FLT1: variants seen among roughly 807,000 people sequenced by gnomAD.
FLT1 encodes the protein vascular endothelial growth factor receptor 1.
Under a neutral mutation model 156.3 loss-of-function variants are expected in FLT1, and 49 were observed. That is an observed-to-expected ratio of 0.31 (90% CI 0.25 to 0.40). The LOEUF is 0.40. FLT1 is among the 10% of genes least tolerant of loss of function. The probability of loss-of-function intolerance (pLI) is 1.00; values close to 1 mark genes in which losing one functional copy is unlikely to be tolerated. For synonymous variants in FLT1, 594 were observed against 583.8 expected (o/e 1.02, Z -0.25); for missense variants, 1,322 against 1,637.2 (o/e 0.81, Z 3.32).
intron 17 of FLT1, 60 bp downstream of exon 17, chr13:28,339,108 T>C: frequency 6.6e-7 from 1 of 1,519,674 alleles, no homozygotes; most frequent in Non-Finnish European, 9.1e-7. Context: ...CAAAGCACAG[T>C]GTTTTTCATG....
At chr13:28,452,917 C>A (rs1247177008) in intron 3 of FLT1, among the ~76,000 whole-genome samples, 1 of 147,768 alleles carries the variant, frequency 6.8e-6, no homozygotes, top group Non-Finnish European at 1.5e-5. Flanking sequence ...TTTTAATGTC[C>A]CTCTTGAGGT....
At chr13:28,338,905 A>C (rs61764362) in intron 17 of FLT1, among the ~76,000 whole-genome samples, 1,848 of 152,298 alleles carry the variant, frequency 0.012, 42 homozygotes, top group African/African-American at 0.042. Context: ...TTGTGTCTCC[A>C]GGGCTTAGAC....
chr13:28,362,271 A>C (rs1390516109), intron 14 of FLT1, among the ~76,000 whole-genome samples: 1 of 152,238 alleles, frequency 6.6e-6, no homozygotes, highest in Non-Finnish European at 1.5e-5. Context: ...CTTACCTGTA[A>C]AATGAGAATA....
chr13:28,489,833 T>A (rs925511294), intron 1 of FLT1, among the ~76,000 whole-genome samples: 1 of 152,172 alleles, frequency 6.6e-6, no homozygotes, highest in African/African-American at 2.4e-5. Flanking sequence ...CAAGTGCTCG[T>A]AAGGAAAGTT....
At chr13:28,485,427 T>A (rs1881093922) in intron 1 of FLT1, among the ~76,000 whole-genome samples, 1 of 152,196 alleles carries the variant, frequency 6.6e-6, no homozygotes, top group Non-Finnish European at 1.5e-5. Flanking sequence ...AATAGAAAGC[T>A]CTTCTCTGGG....
intron 15 of FLT1, among the ~76,000 whole-genome samples, chr13:28,354,352 T>C (rs1357009065): frequency 2.0e-5 from 3 of 152,194 alleles, no homozygotes; most frequent in South Asian, 4.1e-4. Flanking sequence ...TATATTCTTA[T>C]ATAGACTTGA....
intron 8 of FLT1, among the ~76,000 whole-genome samples, chr13:28,429,262 C>T (rs1420152638): frequency 6.6e-6 from 1 of 152,154 alleles, no homozygotes; most frequent in Admixed American, 6.5e-5. Context: ...CCTCATATGA[C>T]ATTGAAAGCC....
At chr13:28,443,895 G>T (rs1381291605) in intron 3 of FLT1, among the ~76,000 whole-genome samples, 1 of 152,210 alleles carries the variant, frequency 6.6e-6, no homozygotes, top group Non-Finnish European at 1.5e-5. Context: ...AAGAAAGTTG[G>T]AGTAGTTATA....
intron 3 of FLT1, among the ~76,000 whole-genome samples, chr13:28,461,570 C>T (rs948946293): frequency 2.0e-5 from 3 of 152,054 alleles, no homozygotes; most frequent in Non-Finnish European, 2.9e-5. Flanking sequence ...TCCTCAGAAT[C>T]GCCACTGCAC....
At chr13:28,393,523 T>C (rs9513095) in intron 12 of FLT1, among the ~76,000 whole-genome samples, 47,271 of 152,046 alleles carry the variant, frequency 0.31, 7,597 homozygotes, top group East Asian at 0.44. Context: ...AGGATTCTAA[T>C]GGCCACAGTT....
At chr13:28,306,995 G>T (rs1242697823) in intron 28 of FLT1, among the ~76,000 whole-genome samples, 3 of 152,200 alleles carry the variant, frequency 2.0e-5, no homozygotes, top group Non-Finnish European at 2.9e-5. Context: ...TCCTGAACAT[G>T]AAGTAAATAC....
At chr13:28,339,034 T>C in intron 17 of FLT1, 134 bp downstream of exon 17, 1 of 741,712 alleles carries the variant, frequency 1.3e-6, no homozygotes, top group Non-Finnish European at 2.2e-6. Flanking sequence ...TGTGTCCATC[T>C]CCCTTGCTAG....
intron 10 of FLT1, among the ~76,000 whole-genome samples, chr13:28,425,332 AACATTTAAGGTAATGCTCTGAGTCTTGAG>A (rs1157404906): frequency 6.6e-6 from 1 of 152,254 alleles, no homozygotes; most frequent in African/African-American, 2.4e-5. Flanking sequence ...ATGGCCAACA[AACATTTAAGGTAATGCTCTGAGTCTTGAG>A]ACCATTCTGA....
At chr13:28,337,824 G>T (rs1872179962) in intron 17 of FLT1, among the ~76,000 whole-genome samples, 1 of 152,176 alleles carries the variant, frequency 6.6e-6, no homozygotes, top group African/African-American at 2.4e-5. Context: ...GTCCTATACT[G>T]GAAGAAGCAT....
At chr13:28,423,039 AG>A (rs1032292429) in intron 10 of FLT1, among the ~76,000 whole-genome samples, 71 of 152,306 alleles carry the variant, frequency 4.7e-4, no homozygotes, top group African/African-American at 1.6e-3. Context: ...GAGTTCATGG[AG>A]GACTGTAAGA....
intron 3 of FLT1, among the ~76,000 whole-genome samples, chr13:28,447,002 T>G (rs1346980117): frequency 6.6e-6 from 1 of 152,040 alleles, no homozygotes; most frequent in African/African-American, 2.4e-5. Flanking sequence ...CCACTTGATT[T>G]TCAAGGAGAC....
In FLT1 at chr13:28,427,283, A is replaced by G; in HGVS notation, c.1312T>C (p.Phe438Leu). The G allele has an allele frequency of 1.9e-6, 3 of 1,614,038 alleles. No homozygotes were observed. The highest frequency in any genetic ancestry group is 1.1e-5 in the South Asian group (1 of 91,082). Reference protein sequence around the residue: ...PQIYEKAVSSFPDPALYPLGS... With the variant: ...PQIYEKAVSSLPDPALYPLGS... ...AGTGGGTAGAGAGCCGGGTCTGGAA[A>G]CGATGACACGGCCTTTTCGTAAATC... Residue 438 changes from phenylalanine to leucine, a missense_variant, in exon 10 of 30, where the codon TTT becomes CTT. This residue lies in a region of FLT1 where 991 missense variants were observed against 1,254.8 expected (regional missense o/e 0.79). Transcript: ENST00000282397.
intron 8 of FLT1, among the ~76,000 whole-genome samples, chr13:28,428,339 A>C (rs956859817): frequency 6.6e-6 from 1 of 152,130 alleles, no homozygotes; most frequent in Non-Finnish European, 1.5e-5. Flanking sequence ...AAAAATAAAA[A>C]TAGACTTTTC....
chr13:28,384,660 T>A (rs1236345784), intron 14 of FLT1, among the ~76,000 whole-genome samples: 2 of 152,170 alleles, frequency 1.3e-5, no homozygotes, highest in Admixed American at 6.5e-5. Context: ...TCCAGCTGAA[T>A]AGATTCTGCA....
Sources: gnomAD v4.1 joint callset for allele counts (sites outside exome capture counted in the v4.1 genomes callset) on GRCh38, gnomAD v4.1.1 for gene constraint, gnomAD v4.1.1 regional missense constraint, MANE v1.5 for transcripts, NCBI Gene and HGNC (gene_info 2026-07-23, HGNC 2026-07-21) for gene names.